The following FLACC1 variants were observed in gnomAD, a reference collection of about 807,000 sequenced individuals.
FLACC1 encodes flagellum associated containing coiled-coil domains 1.
In FLACC1, 66 loss-of-function variants were observed where a neutral mutation model predicts 62.8. The observed-to-expected ratio is 1.05, with a 90% CI of 0.86 to 1.29. FLACC1 has a LOEUF of 1.29. Ranked by LOEUF, FLACC1 falls within the 50% of genes most tolerant of loss-of-function variation. The pLI, the probability that FLACC1 is intolerant of heterozygous loss-of-function variation, is 0.00. For synonymous variants in FLACC1, 156 were observed against 161.0 expected (o/e 0.97, Z 0.24); for missense variants, 452 against 489.1 (o/e 0.92, Z 0.71).
At position 201,319,124 on chromosome 2, in the gene FLACC1, C is replaced by T. The variant is rs542128354; in HGVS notation, c.676-9874G>A. 8.5e-5 allele frequency among the ~76,000 whole-genome samples: 13 copies of T among 152,164 alleles called. No homozygotes were observed. The East Asian group carries it at 2.5e-3, about 29-fold the overall frequency. On this transcript the variant is annotated intron_variant, in intron 9 of 14. Transcript: ENST00000392257. ...AAAAATTTAAAAAAATATAAGGCTA[C>T]AGTAACCAAAACAGCTTGGTACTGA...
intron 14 of FLACC1, 52 bp from the exon 15 acceptor site, chr2:201,288,833 G>A (rs188706912): frequency 3.8e-6 from 6 of 1,594,770 alleles, no homozygotes; most frequent in Admixed American, 3.4e-5. Context: ...GCTAGAAAGG[G>A]TATAGGATAT....
Position 201,303,601 on chromosome 2 carries a change from C to A in FLACC1, c.879+3918G>T, listed in dbSNP as rs539470829. Among the ~76,000 whole-genome samples the A allele has an allele frequency of 4.6e-5, 7 of 152,256 alleles. No homozygotes were observed. In the East Asian group the frequency reaches 1.2e-3, roughly 25 times the overall value. On this transcript the variant is annotated intron_variant, in intron 11 of 14. Transcript: ENST00000392257. ...TTATGAGGCCAGCATCATCCTGATA[C>A]CAAAGCCTGGCAGAGACACAACAAA...
chr2:201,309,161 C>T lies in FLACC1; in HGVS notation c.765G>A (p.Leu255=), dbSNP rs1459571218. The change falls in exon 10 of 15, where the codon CTG becomes CTA. Residue 255 remains leucine, a synonymous_variant. Transcript: ENST00000392257. ...KDEKFERENI[L]LQQKKKMTKK... is the part of the protein sequence containing the mutation. ...AGTTTCTGTACTCACTTTGCTGTAG[C>T]AGGATATTTTCTCGCTCGAACTTCT... 6.2e-7 allele frequency: 1 copy of T among 1,613,036 alleles called. No homozygotes were observed. Among genetic ancestry groups the T allele is most frequent in the Non-Finnish European group, 8.5e-7 (1 of 1,179,140 alleles).
chr2:201,337,382 A>G (rs1448986931), intron 7 of FLACC1, among the ~76,000 whole-genome samples: 1 of 152,176 alleles, frequency 6.6e-6, no homozygotes, highest in Non-Finnish European at 1.5e-5. Flanking sequence ...AGCATCATTT[A>G]TTGAAGAGGG....
chr2:201,331,213 C>A (rs1950588091), intron 7 of FLACC1, among the ~76,000 whole-genome samples: 2 of 152,080 alleles, frequency 1.3e-5, no homozygotes, highest in Non-Finnish European at 2.9e-5. Context: ...CTCAAGCAAT[C>A]CTCCTGCGTT....
chr2:201,350,549 C>T (rs765426135), intron 3 of FLACC1, among the ~76,000 whole-genome samples, 162 bp downstream of exon 3: 15 of 151,698 alleles, frequency 9.9e-5, no homozygotes, highest in South Asian at 6.2e-4. Flanking sequence ...CATGGTGGCG[C>T]GCACACCTGT....
intron 12 of FLACC1, among the ~76,000 whole-genome samples, chr2:201,291,533 T>C (rs1187298126): frequency 6.6e-6 from 1 of 152,182 alleles, no homozygotes; most frequent in Non-Finnish European, 1.5e-5. Flanking sequence ...TGTACGTCAC[T>C]GTCATCAAAG....
intron 9 of FLACC1, among the ~76,000 whole-genome samples, chr2:201,316,728 A>G (rs977685225): frequency 6.6e-6 from 1 of 152,178 alleles, no homozygotes; most frequent in Non-Finnish European, 1.5e-5. Flanking sequence ...CCCTAATACT[A>G]AAAACAGGAA....
intron 11 of FLACC1, among the ~76,000 whole-genome samples, chr2:201,301,333 G>C (rs1383755777): frequency 6.6e-6 from 1 of 152,222 alleles, no homozygotes; most frequent in Non-Finnish European, 1.5e-5. Context: ...GGGTATCAGT[G>C]ATTGAAGATC....
intron 8 of FLACC1, 25 bp downstream of exon 8, chr2:201,330,711 T>TC (rs1196648990): frequency 6.2e-7 from 1 of 1,609,428 alleles, no homozygotes; most frequent in Admixed American, 1.7e-5. Flanking sequence ...TCATCCAGGG[T>TC]CATTCTCCCA....
At chr2:201,330,636 G>C (rs543325050) in intron 8 of FLACC1, 100 bp downstream of exon 8, 9 of 1,524,254 alleles carry the variant, frequency 5.9e-6, no homozygotes, top group Non-Finnish European at 8.1e-6. Context: ...CACCAAGGTA[G>C]TAAAACCTTT....
chr2:201,296,380 GAAAC>G (rs2125541154), intron 12 of FLACC1, among the ~76,000 whole-genome samples: 1 of 152,128 alleles, frequency 6.6e-6, no homozygotes, highest in South Asian at 2.1e-4. Context: ...GATGAAGCTG[GAAAC>G]CATCATTCTG....
At chr2:201,315,942 C>T (rs1389712942) in intron 9 of FLACC1, among the ~76,000 whole-genome samples, 1 of 152,060 alleles carries the variant, frequency 6.6e-6, no homozygotes, top group Non-Finnish European at 1.5e-5. Flanking sequence ...TAACCTGTTC[C>T]TGAATGATTA....
At chr2:201,353,761 C>T (rs1951071074) in intron 1 of FLACC1, among the ~76,000 whole-genome samples, 1 of 152,040 alleles carries the variant, frequency 6.6e-6, no homozygotes, top group South Asian at 2.1e-4. Context: ...CTATGCCTGG[C>T]TAAGTTTTGT....
At chr2:201,331,375 A>G (rs1325006489) in intron 7 of FLACC1, among the ~76,000 whole-genome samples, 1 of 152,104 alleles carries the variant, frequency 6.6e-6, no homozygotes, top group Admixed American at 6.6e-5. Flanking sequence ...ATGACCACAG[A>G]TTCCCCTCTA....
chr2:201,298,585 T>C (rs1214060024), intron 12 of FLACC1, among the ~76,000 whole-genome samples: 1 of 152,224 alleles, frequency 6.6e-6, no homozygotes, highest in Non-Finnish European at 1.5e-5. Flanking sequence ...CTTGAACTTG[T>C]AGGACACCAC....
At chr2:201,290,646 C>T (rs760687338) in intron 12 of FLACC1, among the ~76,000 whole-genome samples, 37 of 152,132 alleles carry the variant, frequency 2.4e-4, no homozygotes, top group Non-Finnish European at 4.7e-4. Context: ...ACTGAGGTAT[C>T]GTGTTCATCT....
intron 9 of FLACC1, among the ~76,000 whole-genome samples, chr2:201,309,867 A>C (rs1324219357): frequency 7.1e-6 from 1 of 140,774 alleles, no homozygotes; most frequent in Admixed American, 7.5e-5. Flanking sequence ...AGATCACGCC[A>C]CTGCACTCCA....
intron 9 of FLACC1, among the ~76,000 whole-genome samples, chr2:201,317,208 A>G (rs1023959030): frequency 6.6e-6 from 1 of 152,144 alleles, no homozygotes; most frequent in African/African-American, 2.4e-5. Context: ...GAGCAATCAG[A>G]CAAGAGAGAG....
Sources: allele counts gnomAD v4.1 joint callset (sites outside exome capture counted in the v4.1 genomes callset), GRCh38; gene constraint gnomAD v4.1.1; transcripts MANE v1.5; gene names NCBI Gene and HGNC (gene_info 2026-07-23, HGNC 2026-07-21).